TM7SF2: variants seen among roughly 807,000 people sequenced by gnomAD.
TM7SF2 encodes transmembrane 7 superfamily member 2, also known as delta(14)-sterol reductase TM7SF2.
Under a neutral mutation model 51.0 loss-of-function variants are expected in TM7SF2, and 51 were observed. That is an observed-to-expected ratio of 1.00 (90% CI 0.80 to 1.26). The LOEUF is 1.26. TM7SF2 is among the 50% of genes most tolerant of loss of function. The pLI is 0.00. For synonymous variants in TM7SF2, 255 were observed against 241.0 expected (o/e 1.06, Z -0.54); for missense variants, 541 against 547.4 (o/e 0.99, Z 0.12).
chr11:65,112,927 G>A, intron 3 of TM7SF2, 62 bp downstream of exon 3: 1 of 1,537,342 alleles, frequency 6.5e-7, no homozygotes, highest in Non-Finnish European at 8.8e-7. Context: ...TCCAGGCCTA[G>A]CGGGGAGGTC....
intron 5 of TM7SF2, among the ~76,000 whole-genome samples, chr11:65,113,951 A>G (rs879678854): frequency 1.3e-5 from 2 of 152,220 alleles, no homozygotes; most frequent in Non-Finnish European, 2.9e-5. Context: ...TGGTCAAGGC[A>G]GTGCAGAACC....
chr11:65,115,513 G>A lies in TM7SF2; in HGVS notation c.1011G>A (p.Leu337=). The change falls in exon 9 of 10, where the codon CTG becomes CTA. Residue 337 remains leucine, a synonymous_variant. Transcript: ENST00000279263. Reference sequence around the variant, plus strand: ...TCTCTACAGCCACAGGGCGGAAACTGCTGGTGTCTGGGTGGTGGGGTATGG... The same window carrying A: ...TCTCTACAGCCACAGGGCGGAAACTACTGGTGTCTGGGTGGTGGGGTATGG... ...ETISTATGRK[L]LVSGWWGMVR... is the part of the protein sequence containing the mutation. 1.9e-6 allele frequency: 3 copies of A among 1,614,168 alleles called. No individual in the cohort carries two copies. Among genetic ancestry groups the A allele is most frequent in the Non-Finnish European group, 2.5e-6 (3 of 1,180,026 alleles).
In TM7SF2 at chr11:65,114,915, G is replaced by C. The variant is rs1947956692; in HGVS notation, c.726G>C (p.Glu242Asp). 1 of 1,614,202 alleles carries C rather than the reference G, an allele frequency of 6.2e-7. No homozygotes were observed. Among genetic ancestry groups the C allele is most frequent in the African/African-American group, 1.3e-5 (1 of 75,062 alleles). The part of the protein sequence containing the change: ...LYVGDALWHE[E>D]AVLTTMDITH... ...GTGTCTGGGTCTTGTCCCTGCAGGA[G>C]GCCGTCCTCACCACCATGGATATCA... is the stretch of plus-strand genomic sequence containing the variant. Residue 242 changes from glutamate to aspartate, a missense_variant and splice_region_variant, in exon 7 of 10, where the codon GAG becomes GAC. Coordinates refer to ENST00000279263, the MANE Select transcript of TM7SF2 (RefSeq NM_003273.6).
chr11:65,115,925 CTCT>C lies in TM7SF2; in HGVS notation c.1130_1132del (p.Leu377_Tyr378delinsHis). ...ACACCTGCTGCCCTACTTCTACCTC[CTCT>C]ACTTCACCGCGCTGCTGGTGCACCG... is the stretch of plus-strand genomic sequence containing the variant. On this transcript the variant is annotated inframe_deletion, in exon 10 of 10. Coordinates refer to ENST00000279263, the MANE Select transcript of TM7SF2 (RefSeq NM_003273.6). 6.2e-7 allele frequency: 1 copy of C among 1,614,090 alleles called. No individual in the cohort carries two copies. Among genetic ancestry groups the C allele is most frequent in the Non-Finnish European group, 8.5e-7 (1 of 1,180,016 alleles).
chr11:65,111,945 G>C lies in TM7SF2; in HGVS notation c.-71G>C, dbSNP rs1002337128. 4 of 1,511,344 alleles carry C rather than the reference G, an allele frequency of 2.6e-6. No homozygotes were observed. Among genetic ancestry groups the C allele is most frequent in the East Asian group, 2.4e-5 (1 of 40,936 alleles). 93.6% of individuals were successfully genotyped at this position (1,511,344 alleles called of 1,614,324 possible). ...TCCGCGCGGCCGAGTCCATCTCCTG[G>C]GAAATGGGGCGGACAGTGTTTCCTT... On this transcript the variant is annotated 5_prime_UTR_variant, in exon 1 of 10. Coordinates refer to ENST00000279263, the MANE Select transcript of TM7SF2 (RefSeq NM_003273.6).
intron 5 of TM7SF2, among the ~76,000 whole-genome samples, chr11:65,114,059 A>G (rs1390976492): frequency 6.6e-6 from 1 of 152,102 alleles, no homozygotes; most frequent in Non-Finnish European, 1.5e-5. Context: ...TTACCCAAAG[A>G]AACTCTTGGG....
chr11:65,112,446 C>A lies in TM7SF2; in HGVS notation c.53-69C>A, dbSNP rs556662042. 99 of 1,420,952 alleles carry A rather than the reference C, an allele frequency of 7.0e-5. No individual in the cohort carries two copies. In the Admixed American group the frequency reaches 1.0e-3, roughly 14 times the overall value. 88.0% of individuals were successfully genotyped at this position (1,420,952 alleles called of 1,614,324 possible). ...AGAGGGTCCCGCAGAGACGTCAGGG[C>A]GCCCGTGCGGGCCGGCGGGGAGCTG... On this transcript the variant is annotated intron_variant, in intron 1 of 9. Transcript: ENST00000279263.
At position 65,112,796 on chromosome 11, in the gene TM7SF2, C is replaced by T; in HGVS notation, c.250-15C>T. ...GGACGCCCCGGGCCTTATCAGAGCC[C>T]CCTTGGACCCGCAGGTGGCCGAGGG... On this transcript the variant is annotated splice_polypyrimidine_tract_variant and intron_variant, in intron 2 of 9. Coordinates refer to ENST00000279263, the MANE Select transcript of TM7SF2 (RefSeq NM_003273.6). 1 of 1,550,322 alleles carries T rather than the reference C, an allele frequency of 6.5e-7. No individual in the cohort carries two copies. Among genetic ancestry groups the T allele is most frequent in the Non-Finnish European group, 8.7e-7 (1 of 1,146,902 alleles).
In TM7SF2 at chr11:65,111,943, T is replaced by C; in HGVS notation, c.-73T>C. ...CCTCCGCGCGGCCGAGTCCATCTCCTGGGAAATGGGGCGGACAGTGTTTCC... is the reference window on the plus strand; with the variant it reads ...CCTCCGCGCGGCCGAGTCCATCTCCCGGGAAATGGGGCGGACAGTGTTTCC... On this transcript the variant is annotated 5_prime_UTR_variant, in exon 1 of 10. Transcript: ENST00000279263. The C allele has an allele frequency of 3.3e-6, 5 of 1,497,628 alleles. No homozygotes were observed. Among genetic ancestry groups the C allele is most frequent in the Non-Finnish European group, 4.6e-6 (5 of 1,098,352 alleles). The allele number at this position is 1,497,628 out of a possible 1,614,324, so 92.8% of individuals were successfully genotyped here. A position where few individuals can be genotyped will look rare whatever the true frequency, so the allele number is the denominator to read the frequency against.
chr11:65,115,553 T>C lies in TM7SF2; in HGVS notation c.1051T>C (p.Tyr351His), dbSNP rs1212177148. The C allele has an allele frequency of 6.2e-7, 1 of 1,613,984 alleles. No homozygotes were observed. The highest frequency in any genetic ancestry group is 1.3e-5 in the African/African-American group (1 of 74,890). ...GWWGMVRHPN[Y>H]LGDLIMALAW... Reference sequence around the variant, plus strand: ...GTGGGGTATGGTCCGCCATCCCAACTATCTTGGAGACCTCATCATGGCTCT... The same window carrying C: ...GTGGGGTATGGTCCGCCATCCCAACCATCTTGGAGACCTCATCATGGCTCT... Residue 351 changes from tyrosine to histidine, a missense_variant, in exon 9 of 10, where the codon TAT (tyrosine) becomes CAT (histidine). By Grantham distance (83) the Tyr-to-His change is moderately conservative. Coordinates refer to ENST00000279263, the MANE Select transcript of TM7SF2 (RefSeq NM_003273.6).
At chr11:65,115,438 G>A in intron 8 of TM7SF2, 38 bp from the exon 9 acceptor site, 1 of 1,614,186 alleles carries the variant, frequency 6.2e-7, no homozygotes, top group Non-Finnish European at 8.5e-7. Flanking sequence ...GGGCAGCTGG[G>A]CTTCCTGGGA....
chr11:65,112,625 G>A lies in TM7SF2; in HGVS notation c.163G>A (p.Glu55Lys), dbSNP rs1345858699. The A allele has an allele frequency of 9.2e-6, 14 of 1,526,826 alleles. No individual in the cohort carries two copies. The East Asian group carries it at 1.8e-4, about 19-fold the overall frequency. 94.6% of individuals were successfully genotyped at this position (1,526,826 alleles called of 1,614,324 possible). The change falls in exon 2 of 10, where the codon GAG becomes AAG. Residue 55 changes from glutamate (E) to lysine (K), a missense_variant. Transcript: ENST00000279263. ...LGPPASLPGL[E>K]VLWSPRALLL... ...TCCACCCGCGTCCCTGCCGGGGCTG[G>A]AGGTGCTGTGGAGCCCACGGGCGCT...
At chr11:65,112,359 A>C (rs1947916264) in intron 1 of TM7SF2, 156 bp from the exon 2 acceptor site, 1 of 864,444 alleles carries the variant, frequency 1.2e-6, no homozygotes. Context: ...ACTGGGAGGC[A>C]GCGGGGTGCC....
chr11:65,113,184 G>A, intron 3 of TM7SF2, 36 bp from the exon 4 acceptor site: 2 of 1,524,984 alleles, frequency 1.3e-6, no homozygotes, highest in African/African-American at 2.7e-5. Flanking sequence ...ATGTGGAGGC[G>A]CGCAGCCCCA....
chr11:65,113,189 G>A (rs1171496881), intron 3 of TM7SF2, 31 bp from the exon 4 acceptor site: 4 of 1,547,360 alleles, frequency 2.6e-6, no homozygotes, highest in Non-Finnish European at 3.5e-6. Flanking sequence ...GAGGCGCGCA[G>A]CCCCAGGGCT....
At position 65,112,521 on chromosome 11, in the gene TM7SF2, C is replaced by T. The variant is rs1047282998; in HGVS notation, c.59C>T (p.Ala20Val). ...GTGATGGCCCTTCCCGCAGGCGCCG[C>T]GGCTCTGCTACTGCTGCTGCCCGCC... is the stretch of plus-strand genomic sequence containing the variant. Reference protein sequence around the residue: ...PLEFGGPLGAAALLLLLPATM... With the variant: ...PLEFGGPLGAVALLLLLPATM... The change falls in exon 2 of 10, where the codon GCG becomes GTG. Residue 20 changes from alanine (A) to valine (V), a missense_variant. By Grantham distance (64) the Ala-to-Val change is moderately conservative. Coordinates refer to ENST00000279263, the MANE Select transcript of TM7SF2 (RefSeq NM_003273.6). 1.3e-6 allele frequency: 2 copies of T among 1,523,132 alleles called. No individual in the cohort carries two copies. Among genetic ancestry groups the T allele is most frequent in the Admixed American group, 2.0e-5 (1 of 50,244 alleles). The allele number at this position is 1,523,132 out of a possible 1,614,324, so 94.4% of individuals were successfully genotyped here. A position where few individuals can be genotyped will look rare whatever the true frequency, so the allele number is the denominator to read the frequency against.
At chr11:65,113,138 T>G in intron 3 of TM7SF2, 82 bp from the exon 4 acceptor site, 7 of 1,405,552 alleles carry the variant, frequency 5.0e-6, no homozygotes, top group South Asian at 1.4e-5. Context: ...GTGGCCCCCC[T>G]GAGTTTTGGG....
At chr11:65,112,135 A>G (rs1176326352) in intron 1 of TM7SF2, 68 bp downstream of exon 1, 9 of 1,488,258 alleles carry the variant, frequency 6.0e-6, no homozygotes, top group East Asian at 2.3e-5. Flanking sequence ...GGGTGAACTA[A>G]GAGCGGGGGC....
intron 1 of TM7SF2, 195 bp downstream of exon 1, chr11:65,112,262 CG>C (rs1319670700): frequency 1.8e-5 from 12 of 668,430 alleles, no homozygotes. Context: ...GGCTGCAGAA[CG>C]GGGATTTATG....
Sources: allele counts gnomAD v4.1 joint callset (sites outside exome capture counted in the v4.1 genomes callset), GRCh38; gene constraint gnomAD v4.1.1; transcripts MANE v1.5; gene names NCBI Gene and HGNC (gene_info 2026-07-23, HGNC 2026-07-21).